Variants in FGF14 observed in about 807,000 individuals in gnomAD.
The protein encoded by FGF14 is fibroblast growth factor 14, also known as fibroblast growth factor homologous factor 4.
A neutral mutation model predicts 25.5 loss-of-function variants in FGF14; 5 were observed. That is an observed-to-expected ratio of 0.20 (90% CI 0.10 to 0.41). The LOEUF (loss-of-function observed/expected upper bound fraction) is 0.41. FGF14 is among the 10% of genes least tolerant of loss of function. FGF14 has a pLI of 1.00. For missense variants in FGF14, 222 were observed against 320.1 expected (o/e 0.69, Z 2.34); for synonymous variants, 138 against 118.3 (o/e 1.17, Z -1.08).
intron 1 of FGF14, among the ~76,000 whole-genome samples, chr13:101,877,289 C>A (rs901413802): frequency 4.6e-5 from 7 of 152,112 alleles, no homozygotes; most frequent in African/African-American, 1.7e-4. Context: ...GATTTTGATT[C>A]ATCTGGTTAC....
At chr13:102,110,155 T>A (rs1350218656) in intron 1 of FGF14, among the ~76,000 whole-genome samples, 1 of 152,228 alleles carries the variant, frequency 6.6e-6, no homozygotes, top group African/African-American at 2.4e-5. Context: ...TTAAAATTTA[T>A]AATAGCTTCA....
intron 3 of FGF14, among the ~76,000 whole-genome samples, chr13:101,827,184 T>C (rs1201997188): frequency 6.6e-6 from 1 of 152,008 alleles, no homozygotes; most frequent in East Asian, 1.9e-4. Context: ...AGACAGTAGA[T>C]GTCATAATTT....
At chr13:101,902,876 T>C (rs947596362) in intron 1 of FGF14, among the ~76,000 whole-genome samples, 19 of 152,340 alleles carry the variant, frequency 1.2e-4, no homozygotes, top group Middle Eastern at 3.4e-3. Flanking sequence ...GCTTTAGTTC[T>C]ATGTTTGAAT....
intron 1 of FGF14, among the ~76,000 whole-genome samples, chr13:102,374,644 T>TATATATA (rs2057984695): frequency 2.0e-5 from 1 of 49,372 alleles, no homozygotes; most frequent in South Asian, 7.5e-4. Context: ...CTTACATATT[T>TATATATA]TATATATATA....
At chr13:101,777,345 G>A (rs989421347) in intron 3 of FGF14, among the ~76,000 whole-genome samples, 9 of 152,248 alleles carry the variant, frequency 5.9e-5, no homozygotes, top group Middle Eastern at 3.4e-3. Flanking sequence ...AGTGAGTAAC[G>A]GAGGAAGAGC....
intron 1 of FGF14, among the ~76,000 whole-genome samples, chr13:101,905,468 C>T (rs547933415): frequency 2.0e-5 from 3 of 152,032 alleles, no homozygotes; most frequent in African/African-American, 4.8e-5. Context: ...AACCAAACAT[C>T]GCGTGTTCTC....
At chr13:101,874,344 T>C (rs1004179456) in intron 2 of FGF14, among the ~76,000 whole-genome samples, 2 of 152,162 alleles carry the variant, frequency 1.3e-5, no homozygotes, top group African/African-American at 2.4e-5. Context: ...AATTCATATC[T>C]ATTTTTGATC....
intron 1 of FGF14, among the ~76,000 whole-genome samples, chr13:102,000,496 T>C (rs1045322352): frequency 3.3e-5 from 5 of 152,210 alleles, no homozygotes; most frequent in African/African-American, 9.7e-5. Flanking sequence ...TAGGTGATAA[T>C]ATTGCAGGTA....
intron 1 of FGF14, among the ~76,000 whole-genome samples, chr13:102,398,826 A>G (rs2058637960): frequency 6.7e-6 from 1 of 150,326 alleles, no homozygotes; most frequent in Non-Finnish European, 1.5e-5. Context: ...AAACTTTTAG[A>G]AGGTAAGATA....
At chr13:101,752,387 A>G (rs2037345941) in intron 3 of FGF14, among the ~76,000 whole-genome samples, 1 of 152,250 alleles carries the variant, frequency 6.6e-6, no homozygotes, top group Non-Finnish European at 1.5e-5. Context: ...CATATTCTAT[A>G]CAAATTTTAA....
In FGF14 at chr13:102,281,965, T is replaced by G. The variant is rs1037002697; in HGVS notation, c.208+119506A>C. Among the ~76,000 whole-genome samples, 4 of 152,204 alleles carry G rather than the reference T, an allele frequency of 2.6e-5. No individual in the cohort carries two copies. In the East Asian group the frequency reaches 7.7e-4, roughly 29 times the overall value. ...AAGAAAGAAAATCATATGTCCGTACTGCAAATGCAGCAACTTCTTCTACCA... is the reference window on the plus strand; with the variant it reads ...AAGAAAGAAAATCATATGTCCGTACGGCAAATGCAGCAACTTCTTCTACCA... On this transcript the variant is annotated intron_variant, in intron 1 of 4. Coordinates refer to the FGF14 transcript ENST00000376131.
chr13:102,043,330 C>G (rs1195186004), intron 1 of FGF14, among the ~76,000 whole-genome samples: 3 of 152,112 alleles, frequency 2.0e-5, no homozygotes, highest in Non-Finnish European at 4.4e-5. Flanking sequence ...AGCCACTAAC[C>G]ACTCAGATGA....
At chr13:101,813,636 A>G (rs533204057) in intron 3 of FGF14, among the ~76,000 whole-genome samples, 17 of 152,304 alleles carry the variant, frequency 1.1e-4, no homozygotes, top group African/African-American at 4.1e-4. Flanking sequence ...CACCATTTAC[A>G]ATGCCCTTGC....
At chr13:102,338,492 C>G (rs770785586) in intron 1 of FGF14, among the ~76,000 whole-genome samples, 4 of 152,154 alleles carry the variant, frequency 2.6e-5, no homozygotes, top group Non-Finnish European at 5.9e-5. Flanking sequence ...GATCAATGAA[C>G]TAATGTAACT....
chr13:102,175,970 G>A (rs2048431401), intron 1 of FGF14, among the ~76,000 whole-genome samples: 1 of 152,032 alleles, frequency 6.6e-6, no homozygotes, highest in African/African-American at 2.4e-5. Context: ...TTGTCGGTGG[G>A]AATGTAAATT....
intron 1 of FGF14, among the ~76,000 whole-genome samples, chr13:102,258,524 G>C (rs184108901): frequency 2.0e-5 from 3 of 152,250 alleles, no homozygotes; most frequent in Non-Finnish European, 4.4e-5. Context: ...CTTGGGCATT[G>C]ATGGCCAAAC....
At chr13:101,941,779 G>C (rs900211698) in intron 1 of FGF14, among the ~76,000 whole-genome samples, 3 of 152,126 alleles carry the variant, frequency 2.0e-5, no homozygotes, top group Admixed American at 6.5e-5. Flanking sequence ...CATTCCCATA[G>C]TCTTCTACTT....
At chr13:102,115,340 T>A (rs142031334) in intron 1 of FGF14, among the ~76,000 whole-genome samples, 1 of 152,190 alleles carries the variant, frequency 6.6e-6, no homozygotes, top group Non-Finnish European at 1.5e-5. Context: ...TGCAGTCTTA[T>A]CACAATCATC....
intron 1 of FGF14, among the ~76,000 whole-genome samples, chr13:102,220,690 G>A (rs2050573105): frequency 6.6e-6 from 1 of 152,162 alleles, no homozygotes; most frequent in South Asian, 2.1e-4. Context: ...TTTCTAGGTT[G>A]CTGTACCTTC....
Sources: gnomAD v4.1 joint callset for allele counts (sites outside exome capture counted in the v4.1 genomes callset) on GRCh38, gnomAD v4.1.1 for gene constraint, MANE v1.5 for transcripts, NCBI Gene and HGNC (gene_info 2026-07-23, HGNC 2026-07-21) for gene names.